AGBL1: variants seen among roughly 807,000 people sequenced by gnomAD.
AGBL1 encodes the protein AGBL carboxypeptidase 1.
A neutral mutation model predicts 118.9 loss-of-function variants in AGBL1; 130 were observed. That is an observed-to-expected ratio of 1.09 (90% CI 0.95 to 1.26). The LOEUF is 1.26. AGBL1 is among the 50% of genes most tolerant of loss of function. The pLI is 0.00. For missense variants in AGBL1, 1,584 were observed against 1,298.1 expected (o/e 1.22, Z -3.38); for synonymous variants, 555 against 478.9 (o/e 1.16, Z -2.08).
intron 18 of AGBL1, among the ~76,000 whole-genome samples, chr15:86,476,532 C>T (rs1486671590): frequency 5.9e-5 from 9 of 152,010 alleles, no homozygotes; most frequent in African/African-American, 1.4e-4. Flanking sequence ...AAGAGCTAAC[C>T]ATCCTAAATA....
At chr15:86,483,812 A>T (rs371383168) in intron 18 of AGBL1, among the ~76,000 whole-genome samples, 6 of 152,286 alleles carry the variant, frequency 3.9e-5, no homozygotes, top group African/African-American at 1.4e-4. Context: ...AAACTTCTGC[A>T]TCCCTACAAT....
At chr15:86,248,024 G>A (rs2078749878) in intron 7 of AGBL1, 145 bp downstream of exon 7, 1 of 1,171,986 alleles carries the variant, frequency 8.5e-7, no homozygotes, top group Admixed American at 2.0e-5. Flanking sequence ...CTGGATTTAA[G>A]GCTTCATTCC....
intron 22 of AGBL1, among the ~76,000 whole-genome samples, chr15:86,678,537 G>A (rs2085890557): frequency 6.6e-6 from 1 of 151,902 alleles, no homozygotes; most frequent in Non-Finnish European, 1.5e-5. Context: ...CTGTGTTAAA[G>A]GTACTCAACT....
rs117625873 is a variant in AGBL1 at position 86,972,394 on chromosome 15, C to G, written c.3222-15593C>G. ...AATAGTGGCACCTGTTGGTGCCATTCCAGACCAAGACATAGACTTCATTCA... is the reference window on the plus strand; with the variant it reads ...AATAGTGGCACCTGTTGGTGCCATTGCAGACCAAGACATAGACTTCATTCA... On this transcript the variant is annotated intron_variant, in intron 23 of 24. Coordinates refer to the AGBL1 transcript ENST00000441037. Among the ~76,000 whole-genome samples the G allele has an allele frequency of 4.5e-3, 686 of 152,124 alleles. 7 individuals carry two copies. The highest frequency in any genetic ancestry group is 0.016 in the African/African-American group (667 of 41,514).
At chr15:86,110,940 T>C (rs528879721) in intron 1 of AGBL1, among the ~76,000 whole-genome samples, 4 of 152,348 alleles carry the variant, frequency 2.6e-5, no homozygotes, top group South Asian at 2.1e-4. Flanking sequence ...ACAGCCAAGC[T>C]ATGAAAGCTC....
intron 22 of AGBL1, among the ~76,000 whole-genome samples, chr15:86,681,589 T>C (rs540322217): frequency 1.2e-3 from 187 of 152,298 alleles, no homozygotes; most frequent in Middle Eastern, 3.4e-3. Flanking sequence ...CTCTTCCAAC[T>C]TCTTTTCCTC....
At chr15:86,236,311 C>T (rs982817567) in intron 6 of AGBL1, among the ~76,000 whole-genome samples, 10 of 151,538 alleles carry the variant, frequency 6.6e-5, no homozygotes, top group African/African-American at 2.4e-4. Context: ...CTCTTGGCAC[C>T]CCAGACTTCC....
intron 6 of AGBL1, among the ~76,000 whole-genome samples, chr15:86,239,891 A>G (rs2078614453): frequency 6.6e-6 from 1 of 152,230 alleles, no homozygotes; most frequent in Admixed American, 6.5e-5. Flanking sequence ...GATGATGAAT[A>G]TGTTTATTAG....
chr15:87,024,039 CACAA>C (rs2081697700), intron 24 of AGBL1, among the ~76,000 whole-genome samples: 2 of 151,972 alleles, frequency 1.3e-5, no homozygotes, highest in South Asian at 2.1e-4. Flanking sequence ...TCTAAAAGAG[CACAA>C]ACAGACAATC....
intron 18 of AGBL1, among the ~76,000 whole-genome samples, chr15:86,470,962 C>T (rs1008641274): frequency 1.3e-5 from 2 of 152,046 alleles, no homozygotes; most frequent in Non-Finnish European, 2.9e-5. Flanking sequence ...AATTATGTCA[C>T]CTGCAAGCAG....
rs572355450 is a variant in AGBL1 at position 86,963,391 on chromosome 15, T to C, written c.3222-24596T>C. ...TATTTATTTAACATTTATTTATCAC[T>C]GGTTAATTATATCATTTCAAAAATG... On this transcript the variant is annotated intron_variant, in intron 23 of 24. Transcript: ENST00000441037. 5.9e-5 allele frequency among the ~76,000 whole-genome samples: 9 copies of C among 152,168 alleles called. No homozygotes were observed. The South Asian group carries it at 1.7e-3, about 28-fold the overall frequency.
intron 22 of AGBL1, among the ~76,000 whole-genome samples, chr15:86,731,333 C>T (rs1596415650): frequency 6.6e-6 from 1 of 152,312 alleles, no homozygotes; most frequent in East Asian, 1.9e-4. Context: ...GATTCTCTTA[C>T]TCTCATATGC....
rs891801699 is a variant in AGBL1, at chr15:86,804,358, A to G, written c.3159-102729A>G. On this transcript the variant is annotated intron_variant, in intron 22 of 22. Transcript: ENST00000614907. ...TTGAGAAATTTGGGTTCTTAAACAT[A>G]CAGCTGGTTAATGACAGAATCAGAA... Among the ~76,000 whole-genome samples, 5 of 152,176 alleles carry G rather than the reference A, an allele frequency of 3.3e-5. No individual in the cohort carries two copies. In the East Asian group the frequency reaches 5.8e-4, roughly 18 times the overall value.
intron 1 of AGBL1, among the ~76,000 whole-genome samples, chr15:86,122,100 A>G (rs1898126309): frequency 6.6e-6 from 1 of 152,174 alleles, no homozygotes; most frequent in African/African-American, 2.4e-5. Flanking sequence ...AACTGTCTCC[A>G]AGTTTCTTCC....
intron 17 of AGBL1, chr15:86,316,678 G>A (rs2080017018): frequency 1.3e-5 from 2 of 152,168 alleles, no homozygotes; most frequent in Non-Finnish European, 2.9e-5. Context: ...CATGGTAAGG[G>A]AAAAATGGGT....
At chr15:86,850,436 T>C (rs1040152134) in intron 22 of AGBL1, among the ~76,000 whole-genome samples, 1 of 152,224 alleles carries the variant, frequency 6.6e-6, no homozygotes, top group African/African-American at 2.4e-5. Flanking sequence ...CTACATGCCA[T>C]TTTATAAACA....
intron 23 of AGBL1, among the ~76,000 whole-genome samples, chr15:86,953,401 T>A (rs2080898620): frequency 1.6e-5 from 1 of 64,252 alleles, no homozygotes; most frequent in African/African-American, 6.5e-5. Flanking sequence ...TGTATTTGGA[T>A]TTTTTTTTTT....
intron 22 of AGBL1, among the ~76,000 whole-genome samples, chr15:86,803,914 A>G (rs2078684747): frequency 6.6e-6 from 1 of 152,144 alleles, no homozygotes; most frequent in Non-Finnish European, 1.5e-5. Flanking sequence ...CCCTCGCAAT[A>G]AAGAATTACT....
At chr15:86,142,977 A>G (rs2076983409) in intron 2 of AGBL1, among the ~76,000 whole-genome samples, 1 of 152,210 alleles carries the variant, frequency 6.6e-6, no homozygotes, top group South Asian at 2.1e-4. Flanking sequence ...CCTGTTGGCC[A>G]CCTTGGTTAA....
Sources: allele counts gnomAD v4.1 joint callset (sites outside exome capture counted in the v4.1 genomes callset), GRCh38; gene constraint gnomAD v4.1.1; transcripts MANE v1.5; gene names NCBI Gene and HGNC (gene_info 2026-07-23, HGNC 2026-07-21).